TCF20: variants seen among roughly 807,000 people sequenced by gnomAD.
TCF20 encodes transcription factor 20.
In TCF20, 3 loss-of-function variants were observed where a neutral mutation model predicts 148.6. The ratio of observed to expected loss-of-function variants is 0.02; its 90% CI spans 0.01 to 0.05. The LOEUF (loss-of-function observed/expected upper bound fraction) is 0.05. Ranked by LOEUF, TCF20 falls within the 10% of genes least tolerant of loss-of-function variation. The probability of loss-of-function intolerance (pLI) is 1.00; values close to 1 mark genes in which losing one functional copy is unlikely to be tolerated. For missense variants in TCF20, 2,350 were observed against 2,429.3 expected, an observed-to-expected ratio of 0.97 and a Z score of 0.69; for synonymous variants, 1,049 against 909.5, an observed-to-expected ratio of 1.15 and a Z score of -2.76.
chr22:42,270,707 CGGGCGGGCGGGAGGGCGCGCGGCGGGG>C (rs1204483935), upstream of TCF20, among the ~76,000 whole-genome samples: 8 of 78,554 alleles, frequency 1.0e-4, no homozygotes, highest in Non-Finnish European at 1.8e-4. Context: ...CCGCGGCGCG[CGGGCGGGCGGGAGGGCGCGCGGCGGGG>C]CGGGGCGCGC....
intron 1 of TCF20, among the ~76,000 whole-genome samples, chr22:42,337,212 T>C (rs978668168): frequency 6.6e-6 from 1 of 152,016 alleles, no homozygotes; most frequent in Non-Finnish European, 1.5e-5. Context: ...CTGTCACTGA[T>C]TCCCAAACCC....
intron 2 of TCF20, among the ~76,000 whole-genome samples, chr22:42,197,924 T>C (rs1441248855): frequency 2.6e-5 from 4 of 152,228 alleles, no homozygotes; most frequent in Non-Finnish European, 4.4e-5. Flanking sequence ...TGGATGCTCA[T>C]GCCTTGTTAT....
chr22:42,209,426 TATA>T (rs1231239050), intron 2 of TCF20, among the ~76,000 whole-genome samples: 15 of 152,172 alleles, frequency 9.9e-5, no homozygotes, highest in Admixed American at 2.0e-4. Context: ...AAACTTGAAA[TATA>T]ATAATATGCT....
Position 42,210,061 on chromosome 22 carries a change from C to G in TCF20, c.5245G>C (p.Val1749Leu), listed in dbSNP as rs1444579299. The G allele has an allele frequency of 1.2e-6, 2 of 1,613,476 alleles. No homozygotes were observed. The highest frequency in any genetic ancestry group is 1.7e-5 in the Admixed American group (1 of 59,998). ...GAAGCACTTTTGTGCCGTACCTTAA[C>G]TTTGCTCTGCATTTCTGTGGCCCTC... Reference protein sequence around the residue: ...PKRATEMQSKVKVRHKSASNG... With the variant: ...PKRATEMQSKLKVRHKSASNG... Residue 1749 changes from valine to leucine, a missense_variant, in exon 2 of 6, where the codon GTT becomes CTT. Physicochemically the swap from Val to Leu is conservative, Grantham distance 32. Coordinates refer to ENST00000677622, the MANE Select transcript of TCF20 (RefSeq NM_001378418.1). The surrounding 1 kb of genome is among the most constrained non-coding windows in gnomAD (Gnocchi z 4.7).
chr22:42,314,567 G>A (rs181137166), intron 1 of TCF20, among the ~76,000 whole-genome samples: 9 of 152,312 alleles, frequency 5.9e-5, no homozygotes, highest in Admixed American at 5.9e-4. Context: ...CAGGCGGGAA[G>A]AGGAACCCGC....
chr22:42,259,579 C>T (rs1210423000), intron 1 of TCF20, among the ~76,000 whole-genome samples: 2 of 152,166 alleles, frequency 1.3e-5, no homozygotes, highest in Admixed American at 1.3e-4. Context: ...CACTTTATAC[C>T]CTATTCCAAT....
intron 4 of TCF20, 115 bp downstream of exon 4, chr22:42,169,732 G>A: frequency 9.4e-7 from 1 of 1,060,686 alleles, no homozygotes. Flanking sequence ...AACAGCCGGA[G>A]GCACAGGTGG....
chr22:42,321,803 T>C (rs1194195779), intron 1 of TCF20, among the ~76,000 whole-genome samples: 1 of 151,438 alleles, frequency 6.6e-6, no homozygotes. Context: ...AAAAATTAGC[T>C]GGTCATGGTG....
chr22:42,285,395 T>C (rs1927009388), upstream of TCF20, among the ~76,000 whole-genome samples: 1 of 152,062 alleles, frequency 6.6e-6, no homozygotes, highest in Admixed American at 6.6e-5. The surrounding 1 kb of genome is among the most constrained non-coding windows in gnomAD (Gnocchi z 4.2). Context: ...TCCCTAATCC[T>C]GGAGCTAGTA....
At chr22:42,181,537 T>C (rs1383568110) in intron 2 of TCF20, among the ~76,000 whole-genome samples, 1 of 151,948 alleles carries the variant, frequency 6.6e-6, no homozygotes, top group Non-Finnish European at 1.5e-5. Flanking sequence ...TGGTCAAGCA[T>C]TTCTGGTAGG....
At chr22:42,267,085 TG>T (rs1361005796) in intron 1 of TCF20, among the ~76,000 whole-genome samples, 1 of 151,890 alleles carries the variant, frequency 6.6e-6, no homozygotes, top group Non-Finnish European at 1.5e-5. Context: ...CTGACCAACA[TG>T]GAGAAATCCC....
rs553472829 is a variant in TCF20, at chr22:42,325,940, A to G, written c.-37+17539T>C. On this transcript the variant is annotated intron_variant, in intron 1 of 1. Transcript: ENST00000515426. ...CTATTATTGCCGTCCTCAGGTGAGT[A>G]AGACATGGTTTCTCCCAGGCACCAG... Among the ~76,000 whole-genome samples, 94 of 152,218 alleles carry G rather than the reference A, an allele frequency of 6.2e-4. 1 individual carries two copies. Among genetic ancestry groups the G allele is most frequent in the African/African-American group, 1.9e-3 (77 of 41,540 alleles).
intron 1 of TCF20, among the ~76,000 whole-genome samples, chr22:42,337,881 C>G (rs561388867): frequency 6.6e-6 from 1 of 152,112 alleles, no homozygotes; most frequent in African/African-American, 2.4e-5. Flanking sequence ...ATATTCACAC[C>G]CTTCAGTTTC....
chr22:42,338,740 C>T lies in TCF20; in HGVS notation c.-37+4739G>A, dbSNP rs1928111936. Among the ~76,000 whole-genome samples, 1 of 152,214 alleles carries T rather than the reference C, an allele frequency of 6.6e-6. No individual in the cohort carries two copies. Among genetic ancestry groups the T allele is most frequent in the Non-Finnish European group, 1.5e-5 (1 of 68,036 alleles). ...ACAATAGGCACCTCTTCATCATCTG[C>T]CTCTCAACACGTGACTTTCAAAGGG... On this transcript the variant is annotated intron_variant, in intron 1 of 1. Transcript: ENST00000515426. This position sits in a 1 kb window ranked among gnomAD's most constrained non-coding sequence, Gnocchi z 4.0.
At chr22:42,320,916 C>G (rs573476887) in intron 1 of TCF20, among the ~76,000 whole-genome samples, 1 of 152,212 alleles carries the variant, frequency 6.6e-6, no homozygotes, top group Non-Finnish European at 1.5e-5. Context: ...GCGCCAGGCA[C>G]ACTCACAGCT....
intron 1 of TCF20, among the ~76,000 whole-genome samples, chr22:42,306,547 G>A (rs1232257742): frequency 6.6e-6 from 1 of 152,220 alleles, no homozygotes; most frequent in Admixed American, 6.5e-5. Flanking sequence ...TGGAACCCAT[G>A]GCTCACAGGG....
chr22:42,173,829 A>G (rs1340317730), intron 3 of TCF20, among the ~76,000 whole-genome samples: 1 of 152,180 alleles, frequency 6.6e-6, no homozygotes, highest in Non-Finnish European at 1.5e-5. Context: ...AGTGCACAGC[A>G]GCAGAGGCAG....
rs1397374242 is a variant in TCF20 at position 42,304,639 on chromosome 22, C to T, written c.-37+38840G>A. Among the ~76,000 whole-genome samples the T allele has an allele frequency of 2.0e-5, 3 of 152,314 alleles. No individual in the cohort carries two copies. The East Asian group carries it at 5.8e-4, about 29-fold the overall frequency. ...CACTCTGATGAACATCTAACTCTCA[C>T]AGCAACCCTATGAGGTGGGCAGAAT... On this transcript the variant is annotated intron_variant, in intron 1 of 1. Coordinates refer to the TCF20 transcript ENST00000515426.
chr22:42,247,356 C>T (rs1364826826), intron 1 of TCF20, among the ~76,000 whole-genome samples: 3 of 148,910 alleles, frequency 2.0e-5, no homozygotes, highest in African/African-American at 7.5e-5. Flanking sequence ...AGGAGAATGG[C>T]ATGAACCCGG....
Sources: allele counts gnomAD v4.1 joint callset (sites outside exome capture counted in the v4.1 genomes callset), GRCh38; gene constraint gnomAD v4.1.1; non-coding constraint Gnocchi (gnomAD v3.1); transcripts MANE v1.5; gene names NCBI Gene and HGNC (gene_info 2026-07-23, HGNC 2026-07-21).